Variants in PITPNC1 observed in about 807,000 individuals in gnomAD.
PITPNC1 encodes phosphatidylinositol transfer protein cytoplasmic 1.
A neutral mutation model predicts 44.7 loss-of-function variants in PITPNC1; 18 were observed. That is an observed-to-expected ratio of 0.40 (90% confidence interval 0.28 to 0.60). The LOEUF (loss-of-function observed/expected upper bound fraction) is 0.60. Among genes scored for constraint, PITPNC1 ranks in the 20% least tolerant of loss-of-function variants. The pLI, the probability that PITPNC1 is intolerant of heterozygous loss-of-function variation, is 0.39. For missense variants in PITPNC1, 290 were observed against 418.4 expected (o/e 0.69, Z 2.68); for synonymous variants, 141 against 149.6 (o/e 0.94, Z 0.42).
intron 5 of PITPNC1, among the ~76,000 whole-genome samples, chr17:67,589,997 GA>G (rs200306467): frequency 1.3e-5 from 2 of 151,248 alleles, no homozygotes; most frequent in Admixed American, 6.6e-5. Context: ...GGAAGAACAG[GA>G]AAAAAAAGAC....
At chr17:67,486,751 G>A (rs1027296119) in intron 1 of PITPNC1, among the ~76,000 whole-genome samples, 3 of 152,070 alleles carry the variant, frequency 2.0e-5, no homozygotes, top group African/African-American at 4.8e-5. Context: ...GACAGTTAGG[G>A]GCATCCAGGA....
At chr17:67,578,806 AC>A (rs1378121095) in intron 5 of PITPNC1, among the ~76,000 whole-genome samples, 3 of 152,180 alleles carry the variant, frequency 2.0e-5, no homozygotes, top group Admixed American at 2.0e-4. Flanking sequence ...ACATGGCGAA[AC>A]CCTGTCTCGA....
chr17:67,401,485 C>T (rs1053785264), intron 1 of PITPNC1, among the ~76,000 whole-genome samples: 53 of 152,166 alleles, frequency 3.5e-4, no homozygotes, highest in African/African-American at 1.2e-3. Context: ...CTTTCAGGAT[C>T]GTTTCTACCA....
intron 6 of PITPNC1, among the ~76,000 whole-genome samples, chr17:67,666,255 C>T (rs2042420908): frequency 6.6e-6 from 1 of 152,200 alleles, no homozygotes; most frequent in Non-Finnish European, 1.5e-5. Context: ...CTTGGCCTCA[C>T]AAAGTATTGG....
At chr17:67,624,536 T>A (rs1159355037) in intron 5 of PITPNC1, among the ~76,000 whole-genome samples, 1 of 151,020 alleles carries the variant, frequency 6.6e-6, no homozygotes, top group Non-Finnish European at 1.5e-5. Context: ...TTTTTTTGTT[T>A]GTTTTGTTTT....
At chr17:67,400,539 C>A (rs1252748854) in intron 1 of PITPNC1, among the ~76,000 whole-genome samples, 2 of 152,266 alleles carry the variant, frequency 1.3e-5, no homozygotes, top group South Asian at 2.1e-4. Context: ...CTCCCCCTTT[C>A]CGTTTTATAT....
At chr17:67,416,055 T>C (rs971875405) in intron 1 of PITPNC1, among the ~76,000 whole-genome samples, 1 of 152,124 alleles carries the variant, frequency 6.6e-6, no homozygotes, top group Non-Finnish European at 1.5e-5. Flanking sequence ...TATAGATTAA[T>C]GTGGAAAATA....
At chr17:67,631,209 G>T (rs968568641) in intron 5 of PITPNC1, among the ~76,000 whole-genome samples, 1 of 151,246 alleles carries the variant, frequency 6.6e-6, no homozygotes. Context: ...AAAGGAAATT[G>T]TGCCCTTAAA....
chr17:67,422,695 A>G (rs866508042), intron 1 of PITPNC1, among the ~76,000 whole-genome samples: 43 of 151,996 alleles, frequency 2.8e-4, no homozygotes, highest in African/African-American at 1.0e-3. Flanking sequence ...TTAGACTACT[A>G]CACTCGGCTA....
intron 1 of PITPNC1, among the ~76,000 whole-genome samples, chr17:67,479,293 G>C (rs959318760): frequency 1.3e-5 from 2 of 152,224 alleles, no homozygotes; most frequent in Non-Finnish European, 2.9e-5. Flanking sequence ...AGTAGAGACA[G>C]ACAAGGGGGA....
intron 1 of PITPNC1, among the ~76,000 whole-genome samples, chr17:67,425,156 T>G (rs1287101005): frequency 6.9e-6 from 1 of 145,480 alleles, no homozygotes; most frequent in Non-Finnish European, 1.5e-5. Context: ...TCAGCCCGCC[T>G]GCACCCAGGT....
chr17:67,550,985 T>C (rs927442417), intron 2 of PITPNC1, among the ~76,000 whole-genome samples: 16 of 151,952 alleles, frequency 1.1e-4, no homozygotes, highest in African/African-American at 2.2e-4. Flanking sequence ...GGCGTGAACC[T>C]GGGAGGCGGA....
chr17:67,675,591 C>G, intron 8 of PITPNC1, 49 bp downstream of exon 8: 1 of 1,294,502 alleles, frequency 7.7e-7, no homozygotes, highest in Non-Finnish European at 1.1e-6. Context: ...CATGTTGTCT[C>G]GGGCTTTCTG....
intron 1 of PITPNC1, chr17:67,471,443 G>A (rs145240608): frequency 5.5e-6 from 2 of 360,908 alleles, no homozygotes; most frequent in African/African-American, 2.3e-5. Context: ...TCCTTGTGTG[G>A]ACCTACGTCT....
In PITPNC1 at chr17:67,660,658, G is replaced by T. The variant is rs185146353; in HGVS notation, c.463-8850G>T. Among the ~76,000 whole-genome samples the T allele has an allele frequency of 1.5e-4, 22 of 151,030 alleles. No individual in the cohort carries two copies. The East Asian group carries it at 4.3e-3, about 30-fold the overall frequency. On this transcript the variant is annotated intron_variant, in intron 6 of 8. Transcript: ENST00000581322. ...CCTCTTGGATTCAAGCGATTCTCCT[G>T]CCTCAGCCTCCCAAGTAGCTGGGAT...
intron 5 of PITPNC1, among the ~76,000 whole-genome samples, chr17:67,598,735 A>G (rs893894650): frequency 5.9e-5 from 9 of 151,836 alleles, no homozygotes; most frequent in African/African-American, 2.2e-4. Flanking sequence ...ACAAAAAAAT[A>G]CAAAAAAATT....
chr17:67,656,680 C>A (rs967748789), intron 6 of PITPNC1, among the ~76,000 whole-genome samples: 1 of 152,034 alleles, frequency 6.6e-6, no homozygotes, highest in South Asian at 2.1e-4. Flanking sequence ...AGCCTTATGA[C>A]GTTTTATAAT....
At chr17:67,433,673 T>G (rs1296199820) in intron 1 of PITPNC1, among the ~76,000 whole-genome samples, 1 of 152,090 alleles carries the variant, frequency 6.6e-6, no homozygotes, top group Non-Finnish European at 1.5e-5. Context: ...ATTGTGCCAC[T>G]GTGCTACAGC....
chr17:67,413,143 G>C (rs1050554094), intron 1 of PITPNC1, among the ~76,000 whole-genome samples: 1 of 152,198 alleles, frequency 6.6e-6, no homozygotes, highest in Non-Finnish European at 1.5e-5. Context: ...AGAGAATTCA[G>C]TGTTTTCCAG....
Sources: allele counts gnomAD v4.1 joint callset (sites outside exome capture counted in the v4.1 genomes callset), GRCh38; gene constraint gnomAD v4.1.1; transcripts MANE v1.5; gene names NCBI Gene and HGNC (gene_info 2026-07-23, HGNC 2026-07-21).